LOC122526780: variants seen among roughly 807,000 people sequenced by gnomAD.
the LOC122526780 span, chr17:6,638,265 G>C: frequency 1.3e-5 from 2 of 152,756 alleles, no homozygotes; most frequent in African/African-American, 4.8e-5. Flanking sequence ...CCCGAGCCAC[G>C]GGTCCCCCCG....
At chr17:6,637,309 T>G in the LOC122526780 span, 32,567 of 152,176 alleles carry the variant, frequency 0.21, 5,191 homozygotes, top group African/African-American at 0.44. Flanking sequence ...GGCTCCACCG[T>G]GTCTCCTTCT....
the LOC122526780 span, chr17:6,638,799 T>C: frequency 6.6e-6 from 1 of 152,530 alleles, no homozygotes; most frequent in Non-Finnish European, 1.5e-5. Flanking sequence ...TTACCATCTG[T>C]CCCGCTCCCC....
At chr17:6,638,236 C>G in the LOC122526780 span, 2 of 153,060 alleles carry the variant, frequency 1.3e-5, no homozygotes, top group African/African-American at 4.8e-5. Flanking sequence ...GGATTCCTCC[C>G]CGCCAGACCA....
chr17:6,639,814 T>C, the LOC122526780 span: 1 of 152,792 alleles, frequency 6.5e-6, no homozygotes, highest in Non-Finnish European at 1.5e-5. The surrounding 1 kb of genome is among the most constrained non-coding windows in gnomAD (Gnocchi z 4.3). Context: ...CAGCCACAGG[T>C]GCAGAATGCT....
the LOC122526780 span, chr17:6,639,533 G>A: frequency 1.5e-4 from 23 of 152,586 alleles, no homozygotes; most frequent in Non-Finnish European, 3.2e-4. This position sits in a 1 kb window ranked among gnomAD's most constrained non-coding sequence, Gnocchi z 4.3. Flanking sequence ...CTCGCAGGAG[G>A]CACCCTCCCA....
At chr17:6,637,952 G>A in the LOC122526780 span, 9 of 152,486 alleles carry the variant, frequency 5.9e-5, no homozygotes, top group African/African-American at 2.2e-4. Context: ...GGAGCCAGAA[G>A]GACTTCGGTG....
At chr17:6,638,315 G>A in the LOC122526780 span, 1 of 152,868 alleles carries the variant, frequency 6.5e-6, no homozygotes, top group South Asian at 2.0e-4. Flanking sequence ...CTTTCCCACA[G>A]GTTCAAAATG....
the LOC122526780 span, chr17:6,636,928 C>T: frequency 6.6e-6 from 1 of 152,274 alleles, no homozygotes; most frequent in Non-Finnish European, 1.5e-5. Flanking sequence ...TATTTCCTCC[C>T]TTGAAACTGA....
At chr17:6,638,639 C>T in the LOC122526780 span, 1 of 153,626 alleles carries the variant, frequency 6.5e-6, no homozygotes, top group African/African-American at 2.4e-5. Context: ...GGGCTCAGAA[C>T]ATTCCCACTA....
chr17:6,639,633 C>G, the LOC122526780 span: 8 of 153,096 alleles, frequency 5.2e-5, no homozygotes, highest in African/African-American at 1.9e-4. The surrounding 1 kb of genome is among the most constrained non-coding windows in gnomAD (Gnocchi z 4.3). Context: ...GAGGGATCCC[C>G]CTTGCCTGTT....
the LOC122526780 span, chr17:6,638,257 C>A: frequency 6.6e-6 from 1 of 152,576 alleles, no homozygotes; most frequent in Non-Finnish European, 1.5e-5. Context: ...CAGCTCCTCC[C>A]GAGCCACGGG....
the LOC122526780 span, chr17:6,640,286 G>C: frequency 6.5e-6 from 1 of 152,762 alleles, no homozygotes; most frequent in East Asian, 1.9e-4. Context: ...CGCAGCCTGG[G>C]CAAGGCCCCA....
the LOC122526780 span, chr17:6,637,488 T>G: frequency 3.3e-5 from 5 of 152,538 alleles, no homozygotes; most frequent in African/African-American, 1.2e-4. Flanking sequence ...CTGTGGGCAC[T>G]CCCACGGCCA....
the LOC122526780 span, chr17:6,640,244 G>C: frequency 1.0e-4 from 16 of 152,664 alleles, no homozygotes; most frequent in Non-Finnish European, 7.3e-5. Flanking sequence ...CCCACGCAGC[G>C]ACCCGGCATC....
the LOC122526780 span, chr17:6,637,019 A>C: frequency 6.6e-6 from 1 of 152,340 alleles, no homozygotes. Context: ...GACCTTGGAC[A>C]GCTCCATAAC....
the LOC122526780 span, chr17:6,636,822 C>T: frequency 1.3e-5 from 2 of 152,130 alleles, no homozygotes; most frequent in African/African-American, 2.4e-5. Flanking sequence ...CCACATAACT[C>T]TCTCCCAAAT....
At chr17:6,638,526 T>A in the LOC122526780 span, 3 of 154,644 alleles carry the variant, frequency 1.9e-5, no homozygotes, top group African/African-American at 7.3e-5. Context: ...CACACTGACA[T>A]GCAACATCTC....
At chr17:6,636,992 C>T in the LOC122526780 span, 3 of 152,356 alleles carry the variant, frequency 2.0e-5, no homozygotes, top group Admixed American at 2.0e-4. Flanking sequence ...TTCTCATAGG[C>T]TGTTTCTTCC....
At chr17:6,639,730 C>T in the LOC122526780 span, 1 of 152,896 alleles carries the variant, frequency 6.5e-6, no homozygotes, top group South Asian at 2.1e-4. This position sits in a 1 kb window ranked among gnomAD's most constrained non-coding sequence, Gnocchi z 4.3. Context: ...AGGTCCCTCT[C>T]CTGCAGGCAC....
Sources: allele counts gnomAD v4.1 joint callset, GRCh38; gene constraint gnomAD v4.1.1; non-coding constraint Gnocchi (gnomAD v3.1); transcripts MANE v1.5.